The following DENND2B variants were observed in gnomAD, a reference collection of about 807,000 sequenced individuals.
DENND2B encodes DENN domain containing 2B.
A neutral mutation model predicts 116.0 loss-of-function variants in DENND2B; 32 were observed. The observed-to-expected ratio is 0.28, with a 90% CI of 0.21 to 0.37. The LOEUF (loss-of-function observed/expected upper bound fraction) is 0.37. DENND2B is among the 10% of genes least tolerant of loss of function. The pLI, the probability that DENND2B is intolerant of heterozygous loss-of-function variation, is 1.00. For synonymous variants in DENND2B, 588 were observed against 583.9 expected, an observed-to-expected ratio of 1.01 and a Z score of -0.10; for missense variants, 1,276 against 1,477.7, an observed-to-expected ratio of 0.86 and a Z score of 2.24.
At chr11:8,797,117 C>A (rs569127417) in intron 1 of DENND2B, among the ~76,000 whole-genome samples, 1 of 152,126 alleles carries the variant, frequency 6.6e-6, no homozygotes, top group African/African-American at 2.4e-5. Flanking sequence ...AATCAAACAG[C>A]CTTAGATTTA....
At chr11:8,847,527 G>A (rs2062857093) in intron 3 of DENND2B, among the ~76,000 whole-genome samples, 2 of 152,082 alleles carry the variant, frequency 1.3e-5, no homozygotes, top group South Asian at 4.2e-4. Flanking sequence ...AGAGAAGAAT[G>A]AATATATAGG....
At chr11:8,697,828 G>A (rs2040650777) in intron 16 of DENND2B, 192 bp from the exon 17 acceptor site, 1 of 602,388 alleles carries the variant, frequency 1.7e-6, no homozygotes, top group Non-Finnish European at 3.0e-6. Context: ...CAAGATTACA[G>A]AGATTAAAAG....
intron 1 of DENND2B, among the ~76,000 whole-genome samples, chr11:8,901,179 G>A (rs1265931772): frequency 2.0e-5 from 3 of 147,566 alleles, no homozygotes; most frequent in Non-Finnish European, 3.0e-5. Context: ...TTTGGGTTTA[G>A]TTTGTTCTTC....
intron 1 of DENND2B, among the ~76,000 whole-genome samples, chr11:8,791,033 A>ACAGATTC (rs1261643974): frequency 6.6e-6 from 1 of 152,090 alleles, no homozygotes; most frequent in Non-Finnish European, 1.5e-5. Flanking sequence ...TCACTTCAAA[A>ACAGATTC]ACCTTCCTGA....
Position 8,702,495 on chromosome 11 carries a change from C to T in DENND2B, c.2720+77G>A. On this transcript the variant is annotated intron_variant, in intron 14 of 19. Coordinates refer to ENST00000313726, the MANE Select transcript of DENND2B (RefSeq NM_213618.2). This position sits in a 1 kb window ranked among gnomAD's most constrained non-coding sequence, Gnocchi z 4.6. ...CACTGGTCTCCGGCGCCTGCTTAGG[C>T]TCCTGAACACTTGCTGATTCGCTTG... is the stretch of plus-strand genomic sequence containing the variant. 5.0e-6 allele frequency: 8 copies of T among 1,591,952 alleles called. No homozygotes were observed. The highest frequency in any genetic ancestry group is 6.0e-6 in the Non-Finnish European group (7 of 1,174,528).
At chr11:8,838,019 C>T (rs563572697) in intron 4 of DENND2B, among the ~76,000 whole-genome samples, 4 of 152,340 alleles carry the variant, frequency 2.6e-5, no homozygotes, top group South Asian at 2.1e-4. Context: ...CACAGCAAGC[C>T]GAGGCATGGA....
At chr11:8,729,631 C>T (rs544946986) in intron 3 of DENND2B, among the ~76,000 whole-genome samples, 234 of 152,286 alleles carry the variant, frequency 1.5e-3, no homozygotes, top group Middle Eastern at 3.4e-3. Context: ...TACCTACTCC[C>T]AACAGAAGAC....
intron 2 of DENND2B, among the ~76,000 whole-genome samples, chr11:8,733,983 C>G (rs180892520): frequency 6.6e-6 from 1 of 152,168 alleles, no homozygotes; most frequent in Non-Finnish European, 1.5e-5. Context: ...ACCCTTGCCC[C>G]AGCCTCCCCA....
At chr11:8,708,445 T>C (rs1157567323) in intron 11 of DENND2B, 3 of 564,568 alleles carry the variant, frequency 5.3e-6, no homozygotes, top group Non-Finnish European at 4.5e-6. Context: ...GAGGGATTAT[T>C]ATCCCCTTTA....
intron 2 of DENND2B, among the ~76,000 whole-genome samples, chr11:8,858,458 C>T (rs1461947043): frequency 2.0e-5 from 3 of 152,048 alleles, no homozygotes; most frequent in African/African-American, 7.2e-5. Context: ...CACTCGAGCC[C>T]ACACTCAAAT....
At chr11:8,811,731 A>C (rs1474537190), upstream of DENND2B, among the ~76,000 whole-genome samples, 2 of 152,028 alleles carry the variant, frequency 1.3e-5, no homozygotes, top group East Asian at 1.9e-4. Context: ...TTTATTTATT[A>C]TTCTTCTTAA....
At position 8,863,092 on chromosome 11, in the gene DENND2B, G is replaced by C. The variant is rs141871463; in HGVS notation, c.-249-5656C>G. Among the ~76,000 whole-genome samples, 794 of 151,972 alleles carry C rather than the reference G, an allele frequency of 5.2e-3. 13 individuals carry two copies. Among genetic ancestry groups the C allele is most frequent in the African/African-American group, 0.018 (763 of 41,462 alleles). On this transcript the variant is annotated intron_variant, in intron 2 of 6. Transcript: ENST00000524757. Reference sequence around the variant, plus strand: ...CCATTTTGGGAGGCAAAAGTGGGAGGATTGCTTGAGCCTGGGAGTTCGAGA... The same window carrying C: ...CCATTTTGGGAGGCAAAAGTGGGAGCATTGCTTGAGCCTGGGAGTTCGAGA...
At chr11:8,748,690 G>GCAGA (rs777777320) in intron 2 of DENND2B, among the ~76,000 whole-genome samples, 28 of 150,908 alleles carry the variant, frequency 1.9e-4, no homozygotes, top group Non-Finnish European at 2.6e-4. Flanking sequence ...AGGGAGGCAG[G>GCAGA]AAAGGTGCTT....
At chr11:8,791,952 C>T (rs1388636732) in intron 1 of DENND2B, among the ~76,000 whole-genome samples, 2 of 151,384 alleles carry the variant, frequency 1.3e-5, no homozygotes, top group Non-Finnish European at 2.9e-5. Flanking sequence ...TGCCTGTAAT[C>T]CCAGCACTTT....
chr11:8,804,560 T>TTTTTTG (rs2060662047), intron 1 of DENND2B, among the ~76,000 whole-genome samples: 1 of 150,832 alleles, frequency 6.6e-6, no homozygotes, highest in Non-Finnish European at 1.5e-5. Flanking sequence ...TTTTTTTTTT[T>TTTTTTG]TTGAGACGAA....
At chr11:8,848,564 TGA>T (rs1214679765) in intron 3 of DENND2B, among the ~76,000 whole-genome samples, 1 of 152,170 alleles carries the variant, frequency 6.6e-6, no homozygotes, top group Non-Finnish European at 1.5e-5. Flanking sequence ...TGGTTAAATG[TGA>T]GAGAGTGGTT....
At chr11:8,708,282 G>T (rs1411590082) in intron 11 of DENND2B, 1 of 985,318 alleles carries the variant, frequency 1.0e-6, no homozygotes, top group Non-Finnish European at 1.2e-6. Context: ...GGCACATTCG[G>T]CATACCATTC....
At chr11:8,861,907 T>C (rs1369747725) in intron 2 of DENND2B, among the ~76,000 whole-genome samples, 1 of 152,232 alleles carries the variant, frequency 6.6e-6, no homozygotes, top group East Asian at 1.9e-4. Context: ...AGGCCATTAT[T>C]CTAAGTGAAG....
At chr11:8,711,320 A>T in intron 9 of DENND2B, 89 bp from the exon 10 acceptor site, 1 of 1,119,484 alleles carries the variant, frequency 8.9e-7, no homozygotes, top group Non-Finnish European at 1.3e-6. Context: ...AGGGCCCTAG[A>T]TGCCACTGAC....
Sources: gnomAD v4.1 joint callset for allele counts (sites outside exome capture counted in the v4.1 genomes callset) on GRCh38, gnomAD v4.1.1 for gene constraint, Gnocchi (gnomAD v3.1) non-coding constraint, MANE v1.5 for transcripts, NCBI Gene and HGNC (gene_info 2026-07-23, HGNC 2026-07-21) for gene names.